TENM3: variants seen among roughly 807,000 people sequenced by gnomAD.
The protein encoded by TENM3 is teneurin-3.
TENM3 carries 63 observed loss-of-function variants against 255.1 expected under a neutral mutation model. That is an observed-to-expected ratio of 0.25 (90% CI 0.20 to 0.30). The LOEUF is 0.30. Among genes scored for constraint, TENM3 ranks in the 10% least tolerant of loss-of-function variants. The pLI, the probability that TENM3 is intolerant of heterozygous loss-of-function variation, is 1.00. For synonymous variants in TENM3, 1,306 were observed against 1,322.3 expected, an observed-to-expected ratio of 0.99 and a Z score of 0.27; for missense variants, 2,929 against 3,461.1, an observed-to-expected ratio of 0.85 and a Z score of 3.86.
the TENM3 span, among the ~76,000 whole-genome samples, chr4:181,725,265 T>C: frequency 1.3e-5 from 2 of 152,190 alleles, no homozygotes. Context: ...TTACTGATGT[T>C]TACTGGACAT....
rs551168267 is a variant in TENM3, at chr4:182,374,700, G to A, written c.511+27771G>A. ...TTTTAGTCCTGAGTATATAGGAGGTGTATATATTACTTCTTCAAATTTCTT... is the reference window on the plus strand; with the variant it reads ...TTTTAGTCCTGAGTATATAGGAGGTATATATATTACTTCTTCAAATTTCTT... On this transcript the variant is annotated intron_variant, in intron 3 of 27. Coordinates refer to ENST00000511685, the MANE Select transcript of TENM3 (RefSeq NM_001080477.4). Among the ~76,000 whole-genome samples, 20 of 152,218 alleles carry A rather than the reference G, an allele frequency of 1.3e-4. No homozygotes were observed. The South Asian group carries it at 4.2e-3, about 32-fold the overall frequency.
At chr4:182,637,667 C>T (rs1200647472) in intron 5 of TENM3, among the ~76,000 whole-genome samples, 2 of 152,190 alleles carry the variant, frequency 1.3e-5, no homozygotes, top group Admixed American at 6.5e-5. Context: ...AGGTGACTAC[C>T]ATGGGTCAGA....
chr4:181,857,533 A>C, the TENM3 span, among the ~76,000 whole-genome samples: 1 of 134,110 alleles, frequency 7.5e-6, no homozygotes, highest in African/African-American at 3.3e-5. Context: ...TAGCCAACAT[A>C]GTGAAACCCT....
At chr4:182,282,105 A>T (rs1760424444) in intron 1 of TENM3, among the ~76,000 whole-genome samples, 1 of 152,198 alleles carries the variant, frequency 6.6e-6, no homozygotes, top group South Asian at 2.1e-4. Context: ...AGTGTTTATT[A>T]CTGCCAGCTG....
intron 3 of TENM3, among the ~76,000 whole-genome samples, chr4:182,369,997 T>C (rs1766695414): frequency 1.3e-5 from 2 of 152,230 alleles, no homozygotes; most frequent in South Asian, 4.1e-4. Context: ...TGTTTTACCT[T>C]AGGCAGTTCA....
intron 6 of TENM3, among the ~76,000 whole-genome samples, chr4:182,668,518 GA>G (rs1290684953): frequency 1.3e-5 from 2 of 151,842 alleles, no homozygotes; most frequent in African/African-American, 4.8e-5. Context: ...GTTACGGGAG[GA>G]AAAAAATCAT....
At chr4:182,724,090 C>G (rs1376021565) in intron 13 of TENM3, among the ~76,000 whole-genome samples, 2 of 152,176 alleles carry the variant, frequency 1.3e-5, no homozygotes, top group African/African-American at 4.8e-5. Flanking sequence ...ACTGCAAAGC[C>G]TAAACAGAAG....
chr4:182,410,633 C>T (rs1561418330), intron 3 of TENM3, among the ~76,000 whole-genome samples: 1 of 152,132 alleles, frequency 6.6e-6, no homozygotes, highest in Non-Finnish European at 1.5e-5. Flanking sequence ...GATCTATTAG[C>T]ATCAGTGCCA....
At chr4:182,139,546 C>T (rs925428728), upstream of TENM3, among the ~76,000 whole-genome samples, 1 of 152,142 alleles carries the variant, frequency 6.6e-6, no homozygotes, top group African/African-American at 2.4e-5. Context: ...ACACTATATA[C>T]GCTTCTCACT....
At chr4:182,679,227 A>G (rs138621388) in intron 7 of TENM3, among the ~76,000 whole-genome samples, 1 of 152,192 alleles carries the variant, frequency 6.6e-6, no homozygotes, top group African/African-American at 2.4e-5. Flanking sequence ...AAGAAAGAGT[A>G]GAATGATGGA....
chr4:181,996,414 A>C, the TENM3 span, among the ~76,000 whole-genome samples: 1 of 152,150 alleles, frequency 6.6e-6, no homozygotes, highest in South Asian at 2.1e-4. Flanking sequence ...TTACAAGCTG[A>C]AAACATCAAG....
chr4:182,566,657 G>A (rs1289901253), intron 3 of TENM3, among the ~76,000 whole-genome samples: 1 of 152,166 alleles, frequency 6.6e-6, no homozygotes, highest in African/African-American at 2.4e-5. Context: ...TATGTGGCAG[G>A]ATGGGTGTTC....
chr4:181,501,257 G>A, the TENM3 span, among the ~76,000 whole-genome samples: 3 of 152,148 alleles, frequency 2.0e-5, no homozygotes, highest in Admixed American at 2.0e-4. Context: ...ACAGAGGCAG[G>A]GAAGATCTGG....
the TENM3 span, among the ~76,000 whole-genome samples, chr4:182,113,256 C>G: frequency 1.3e-5 from 2 of 152,124 alleles, no homozygotes; most frequent in African/African-American, 4.8e-5. Flanking sequence ...ATTTCATTTG[C>G]TATCTTAATT....
intron 18 of TENM3, among the ~76,000 whole-genome samples, chr4:182,739,482 A>T (rs1489843273): frequency 2.6e-5 from 4 of 152,174 alleles, no homozygotes. Flanking sequence ...ACTTTTACTG[A>T]TAGCCAGAGA....
chr4:181,633,101 A>G, the TENM3 span, among the ~76,000 whole-genome samples: 1 of 152,198 alleles, frequency 6.6e-6, no homozygotes, highest in African/African-American at 2.4e-5. Flanking sequence ...GAAGGAGCCC[A>G]ATCCACTTAC....
chr4:182,744,259 A>G (rs1761843499), intron 19 of TENM3: 3 of 758,554 alleles, frequency 4.0e-6, no homozygotes, highest in Non-Finnish European at 4.8e-6. Context: ...ATATTTCATC[A>G]TGAGAGAGGA....
chr4:181,782,927 G>A, the TENM3 span, among the ~76,000 whole-genome samples: 4 of 152,102 alleles, frequency 2.6e-5, no homozygotes, highest in Non-Finnish European at 4.4e-5. Flanking sequence ...GTAGTTGAGC[G>A]GTTTTGAGTG....
chr4:182,223,454 G>T (rs1017180933), intron 1 of TENM3, among the ~76,000 whole-genome samples: 6 of 151,982 alleles, frequency 3.9e-5, no homozygotes, highest in African/African-American at 1.5e-4. Context: ...GGCCTATGCT[G>T]GCATAGAAAG....
Sources: allele counts gnomAD v4.1 joint callset (sites outside exome capture counted in the v4.1 genomes callset), GRCh38; gene constraint gnomAD v4.1.1; transcripts MANE v1.5; gene names NCBI Gene and HGNC (gene_info 2026-07-23, HGNC 2026-07-21).